Variants in WDR64 observed in about 807,000 individuals in gnomAD.
WDR64 encodes the protein WD repeat-containing protein 64.
WDR64 carries 112 observed loss-of-function variants against 139.3 expected under a neutral mutation model. That is an observed-to-expected ratio of 0.80 (90% CI 0.69 to 0.94). The LOEUF (loss-of-function observed/expected upper bound fraction) is 0.94. Among genes scored for constraint, WDR64 ranks in the 40% least tolerant of loss-of-function variants. The pLI is 0.00. For synonymous variants in WDR64, 444 were observed against 437.7 expected (o/e 1.01, Z -0.18); for missense variants, 1,206 against 1,293.1 (o/e 0.93, Z 1.03).
At chr1:241,749,236 G>A (rs1341942233) in intron 13 of WDR64, among the ~76,000 whole-genome samples, 3 of 152,192 alleles carry the variant, frequency 2.0e-5, no homozygotes, top group Admixed American at 6.5e-5. Flanking sequence ...ACACTGAGAA[G>A]CGTTGGGAGA....
rs1659544552 is a variant in WDR64, at chr1:241,802,168, G to A, written c.*953G>A. 1 of 397,832 alleles carries A rather than the reference G, an allele frequency of 2.5e-6. No homozygotes were observed. Among genetic ancestry groups the A allele is most frequent in the African/African-American group, 2.1e-5 (1 of 48,538 alleles). 24.6% of individuals were successfully genotyped at this position (397,832 alleles called of 1,614,324 possible). On this transcript the variant is annotated 3_prime_UTR_variant, in exon 28 of 28. Coordinates refer to ENST00000437684, the MANE Select transcript of WDR64 (RefSeq NM_001367482.1). ...AGCCTAGTTTCCACAACAGAAGAAT[G>A]ACTAAACAAACTATGGTAGGGTAGG...
chr1:241,662,503 C>T (rs569382491), intron 2 of WDR64, among the ~76,000 whole-genome samples: 2 of 152,266 alleles, frequency 1.3e-5, no homozygotes, highest in East Asian at 3.9e-4. Flanking sequence ...TGGCAGTTCA[C>T]AACTTTGCAT....
At chr1:241,707,934 C>T (rs182793505) in intron 8 of WDR64, among the ~76,000 whole-genome samples, 33 of 152,176 alleles carry the variant, frequency 2.2e-4, no homozygotes, top group Admixed American at 2.0e-3. Context: ...CCTGACCTCA[C>T]GTCCACAGTA....
chr1:241,752,730 A>G (rs1433002210), intron 14 of WDR64, among the ~76,000 whole-genome samples: 1 of 152,170 alleles, frequency 6.6e-6, no homozygotes, highest in Non-Finnish European at 1.5e-5. Context: ...ACACACCTGT[A>G]GTCTCAGCTA....
chr1:241,670,453 T>A (rs1666183222), intron 2 of WDR64, among the ~76,000 whole-genome samples: 1 of 152,222 alleles, frequency 6.6e-6, no homozygotes, highest in Non-Finnish European at 1.5e-5. Context: ...CCCTGCATGA[T>A]GAGGACTGAT....
chr1:241,777,373 T>C (rs1243064362), intron 21 of WDR64, among the ~76,000 whole-genome samples: 1 of 152,074 alleles, frequency 6.6e-6, no homozygotes, highest in African/African-American at 2.4e-5. Flanking sequence ...ATGTGAGCAA[T>C]GCTCTCGCTG....
intron 15 of WDR64, among the ~76,000 whole-genome samples, chr1:241,763,459 C>T (rs900443923): frequency 1.3e-5 from 2 of 152,120 alleles, no homozygotes; most frequent in South Asian, 4.1e-4. Context: ...CCTGTAATCC[C>T]GGCACTTTGG....
intron 26 of WDR64, among the ~76,000 whole-genome samples, chr1:241,795,553 C>T (rs1417700465): frequency 6.6e-6 from 1 of 152,110 alleles, no homozygotes; most frequent in Admixed American, 6.5e-5. Context: ...ATCCAAATGC[C>T]CTTGCTTGGC....
chr1:241,744,646 T>C (rs6703922), intron 13 of WDR64, 130 bp downstream of exon 13: 174,384 of 1,208,862 alleles, frequency 0.14, 14,042 homozygotes, highest in African/African-American at 0.19. Flanking sequence ...GCCAGTGAAA[T>C]TCCTGTGCCT....
rs59588872 is a variant in WDR64, at chr1:241,736,415, T to TAAAAAAA, written c.1195-1936_1195-1930dup. Among the ~76,000 whole-genome samples, 161 of 134,622 alleles carry TAAAAAAA rather than the reference T, an allele frequency of 1.2e-3. 1 individual carries two copies. The highest frequency in any genetic ancestry group is 4.4e-3 in the African/African-American group (156 of 35,448). 88.3% of individuals were successfully genotyped at this position (134,622 alleles called of 152,430 possible). ...CTTTAGTTCTCTTTATGGAAGAGTTTAAAAAAAAAAAAAAAAAAGAGTAGG... is the reference window on the plus strand; with the variant it reads ...CTTTAGTTCTCTTTATGGAAGAGTTTAAAAAAAAAAAAAAAAAAAAAAAAAGAGTAGG... On this transcript the variant is annotated intron_variant, in intron 10 of 27. Transcript: ENST00000437684.
At chr1:241,713,502 GAAAA>G (rs1179996580) in intron 9 of WDR64, among the ~76,000 whole-genome samples, 1 of 95,658 alleles carries the variant, frequency 1.0e-5, no homozygotes, top group African/African-American at 4.8e-5. Context: ...GGAACGGAAA[GAAAA>G]AAGAAAGAAA....
At chr1:241,738,848 A>T (rs1669426624) in intron 11 of WDR64, among the ~76,000 whole-genome samples, 1 of 152,232 alleles carries the variant, frequency 6.6e-6, no homozygotes, top group Admixed American at 6.5e-5. Flanking sequence ...TGGACCTAGG[A>T]AGAAATGCCT....
In WDR64 at chr1:241,795,222, T is replaced by C; in HGVS notation, c.3013T>C (p.Leu1005=). The change falls in exon 26 of 28, where the codon TTG becomes CTG. Residue 1005 remains leucine, a synonymous_variant. Transcript: ENST00000437684. ...TGTTTTGCAGATTCGAAGATATCCCTTGGAAGGTTTCGTGACTGAAAACAG... is the reference window on the plus strand; with the variant it reads ...TGTTTTGCAGATTCGAAGATATCCCCTGGAAGGTTTCGTGACTGAAAACAG... ...LSSPKIRRYP[L]EGFVTENREA... The C allele has an allele frequency of 1.2e-6, 2 of 1,613,994 alleles. No individual in the cohort carries two copies. Among genetic ancestry groups the C allele is most frequent in the South Asian group, 2.2e-5 (2 of 91,038 alleles).
chr1:241,799,222 A>AAAAAAAAAAAAAAAT, intron 27 of WDR64, among the ~76,000 whole-genome samples: 1 of 135,076 alleles, frequency 7.4e-6, no homozygotes, highest in African/African-American at 2.7e-5. Flanking sequence ...AAAAAAAAAA[A>AAAAAAAAAAAAAAAT]ATACAAAAAT....
At chr1:241,799,212 A>AAAAAAAAAAAAAAAAC (rs1558529700) in intron 27 of WDR64, among the ~76,000 whole-genome samples, 1 of 132,966 alleles carries the variant, frequency 7.5e-6, no homozygotes, top group Non-Finnish European at 1.7e-5. Context: ...CAAAAAAAAA[A>AAAAAAAAAAAAAAAAC]AAAAAAAAAA....
At chr1:241,675,440 C>T (rs1666514357) in intron 4 of WDR64, among the ~76,000 whole-genome samples, 2 of 152,012 alleles carry the variant, frequency 1.3e-5, no homozygotes, top group South Asian at 2.1e-4. Flanking sequence ...GAGGAGATTG[C>T]TGTGCTCTGT....
intron 2 of WDR64, among the ~76,000 whole-genome samples, chr1:241,669,163 A>G (rs1178573021): frequency 1.3e-5 from 2 of 152,206 alleles, no homozygotes; most frequent in African/African-American, 4.8e-5. Context: ...TTGTTCTTTT[A>G]TTCTACTGAT....
intron 4 of WDR64, among the ~76,000 whole-genome samples, chr1:241,675,036 C>CT (rs1198464552): frequency 3.6e-5 from 1 of 27,518 alleles, no homozygotes; most frequent in Non-Finnish European, 9.1e-5. Context: ...TCCCTCCCTC[C>CT]TTCTTCTTTC....
intron 8 of WDR64, among the ~76,000 whole-genome samples, chr1:241,696,891 A>G: frequency 6.6e-6 from 1 of 152,176 alleles, no homozygotes; most frequent in East Asian, 1.9e-4. Flanking sequence ...GTAGCCCAGC[A>G]GGACTCAGCC....
Sources: gnomAD v4.1 joint callset for allele counts (sites outside exome capture counted in the v4.1 genomes callset) on GRCh38, gnomAD v4.1.1 for gene constraint, MANE v1.5 for transcripts, NCBI Gene and HGNC (gene_info 2026-07-23, HGNC 2026-07-21) for gene names.